Variants in CSMD1 observed in about 807,000 individuals in gnomAD.
The protein encoded by CSMD1 is CUB and sushi domain-containing protein 1.
CSMD1 carries 213 observed loss-of-function variants against 417.5 expected under a neutral mutation model. The observed-to-expected ratio is 0.51, with a 90% CI of 0.46 to 0.57. CSMD1 has a LOEUF of 0.57. Ranked by LOEUF, CSMD1 falls within the 20% of genes least tolerant of loss-of-function variation. CSMD1 has a pLI of 0.00. For missense variants in CSMD1, 6,923 were observed against 4,529.7 expected (o/e 1.53, Z -15.17); for synonymous variants, 2,862 against 1,736.8 (o/e 1.65, Z -16.11).
intron 2 of CSMD1, among the ~76,000 whole-genome samples, chr8:4,534,334 A>C (rs569713274): frequency 1.3e-5 from 2 of 152,216 alleles, no homozygotes; most frequent in South Asian, 4.1e-4. Flanking sequence ...TCTCTGGCTT[A>C]CTTTGAAGCA....
chr8:3,220,453 C>G (rs1463122663), intron 28 of CSMD1, among the ~76,000 whole-genome samples: 1 of 152,200 alleles, frequency 6.6e-6, no homozygotes, highest in Non-Finnish European at 1.5e-5. Flanking sequence ...TAAAACTACG[C>G]ACACTCTAAG....
chr8:3,679,127 T>C (rs1563265059), intron 7 of CSMD1, among the ~76,000 whole-genome samples: 5 of 152,060 alleles, frequency 3.3e-5, no homozygotes, highest in Admixed American at 3.3e-4. Flanking sequence ...CTGTATCAAC[T>C]AATGAGCACA....
At chr8:4,308,124 G>C (rs1451239160) in intron 3 of CSMD1, among the ~76,000 whole-genome samples, 2 of 152,216 alleles carry the variant, frequency 1.3e-5, no homozygotes, top group African/African-American at 2.4e-5. Flanking sequence ...AAAGCAGGAA[G>C]ATGTGTTTTA....
chr8:3,436,184 G>C (rs1012071554), intron 12 of CSMD1, among the ~76,000 whole-genome samples: 1 of 152,048 alleles, frequency 6.6e-6, no homozygotes, highest in Non-Finnish European at 1.5e-5. Flanking sequence ...TCAAGGCTAA[G>C]ATACCATCAT....
Position 3,018,667 on chromosome 8 carries a change from TA to T in CSMD1, c.7856-18del. On this transcript the variant is annotated intron_variant, in intron 51 of 69. Transcript: ENST00000635120. ...ACGAGATAACTAGAAGGAAAAACAATAAAATGAACATCAATTCAGTTATGCA... is the reference window on the plus strand; with the variant it reads ...ACGAGATAACTAGAAGGAAAAACAATAAATGAACATCAATTCAGTTATGCA... 6.2e-7 allele frequency: 1 copy of T among 1,602,922 alleles called. No homozygotes were observed. The highest frequency in any genetic ancestry group is 8.5e-7 in the Non-Finnish European group (1 of 1,173,066).
chr8:3,471,684 T>G (rs1022367451), intron 11 of CSMD1, among the ~76,000 whole-genome samples: 1 of 143,808 alleles, frequency 7.0e-6, no homozygotes, highest in Non-Finnish European at 1.5e-5. Flanking sequence ...CTCCCTTCCT[T>G]CCTTCCTTCT....
chr8:4,730,808 A>G (rs1018760267), intron 1 of CSMD1, among the ~76,000 whole-genome samples: 2 of 152,180 alleles, frequency 1.3e-5, no homozygotes, highest in Non-Finnish European at 2.9e-5. Context: ...GAAGTTGCTG[A>G]TTTTCTTGGT....
At chr8:4,561,201 C>G (rs188263518) in intron 2 of CSMD1, among the ~76,000 whole-genome samples, 1 of 152,256 alleles carries the variant, frequency 6.6e-6, no homozygotes, top group East Asian at 1.9e-4. Context: ...GAAACCCCAT[C>G]TCTGCTAAAA....
chr8:4,209,067 TTC>T (rs1203642717), intron 3 of CSMD1, among the ~76,000 whole-genome samples: 1 of 152,214 alleles, frequency 6.6e-6, no homozygotes. Context: ...TCTTGAATTT[TTC>T]TTTTTTTGTC....
chr8:3,586,244 G>A lies in CSMD1; in HGVS notation c.1114C>T (p.Gln372Ter). The A allele has an allele frequency of 6.2e-7, 1 of 1,603,768 alleles. No homozygotes were observed. ...ACGTAATTGTCCTCACATGAAAACT[G>A]TACATTTGCACCAACCCTAAGCCGT... ...GSDFRVGANV[Q>*]FSCEDNYVLQ... The change falls in exon 9 of 70, where the codon CAG (glutamine) becomes TAG (stop). Residue 372 changes from glutamine (Q) to a stop codon, truncating the protein, a stop_gained. Transcript: ENST00000635120. LOFTEE classifies it high-confidence loss of function.
chr8:4,156,183 A>G (rs1796823863), intron 3 of CSMD1, among the ~76,000 whole-genome samples: 1 of 152,166 alleles, frequency 6.6e-6, no homozygotes, highest in Non-Finnish European at 1.5e-5. Flanking sequence ...GTGTGGGAAC[A>G]AGGTTTCATA....
intron 52 of CSMD1, among the ~76,000 whole-genome samples, chr8:3,017,222 C>A (rs944129298): frequency 2.0e-5 from 3 of 152,208 alleles, no homozygotes; most frequent in Non-Finnish European, 2.9e-5. Flanking sequence ...CCCAGTGGAA[C>A]TGGGCTCCTT....
chr8:4,256,222 T>G (rs765712035), intron 3 of CSMD1, among the ~76,000 whole-genome samples: 2 of 152,216 alleles, frequency 1.3e-5, no homozygotes, highest in Non-Finnish European at 2.9e-5. Flanking sequence ...GTAAGTGCAT[T>G]TGTGCTCAAA....
intron 1 of CSMD1, among the ~76,000 whole-genome samples, chr8:4,915,912 C>A (rs1806035240): frequency 6.6e-6 from 1 of 152,196 alleles, no homozygotes; most frequent in African/African-American, 2.4e-5. Flanking sequence ...AGTGGCTCTT[C>A]ATGGGGAGTG....
At chr8:3,005,700 G>C (rs1029007009) in intron 52 of CSMD1, among the ~76,000 whole-genome samples, 7 of 152,104 alleles carry the variant, frequency 4.6e-5, no homozygotes, top group African/African-American at 1.4e-4. Flanking sequence ...ATGCAGAAAA[G>C]GCCTTTGACA....
chr8:3,762,736 C>A (rs932862667), intron 5 of CSMD1, among the ~76,000 whole-genome samples: 2 of 152,142 alleles, frequency 1.3e-5, no homozygotes, highest in Admixed American at 6.6e-5. Flanking sequence ...GGGAGCCAGG[C>A]CACAGCTCGG....
intron 55 of CSMD1, among the ~76,000 whole-genome samples, chr8:2,976,618 G>T (rs1043763348): frequency 6.6e-6 from 1 of 152,114 alleles, no homozygotes; most frequent in Non-Finnish European, 1.5e-5. Context: ...CAAAATGCTG[G>T]GATTACAGGT....
intron 20 of CSMD1, among the ~76,000 whole-genome samples, chr8:3,362,909 G>A (rs563039849): frequency 3.9e-5 from 6 of 152,172 alleles, no homozygotes; most frequent in Non-Finnish European, 5.9e-5. Flanking sequence ...TGAGACTCAC[G>A]CATTGTCTTT....
intron 3 of CSMD1, among the ~76,000 whole-genome samples, chr8:4,180,686 G>T (rs1159313526): frequency 6.6e-6 from 1 of 152,134 alleles, no homozygotes; most frequent in Non-Finnish European, 1.5e-5. Flanking sequence ...TGAAAGGCAA[G>T]GTAGCTCACT....
Sources: allele counts gnomAD v4.1 joint callset (sites outside exome capture counted in the v4.1 genomes callset), GRCh38; gene constraint gnomAD v4.1.1; transcripts MANE v1.5; gene names NCBI Gene and HGNC (gene_info 2026-07-23, HGNC 2026-07-21).